Variants in PRKCE observed in about 807,000 individuals in gnomAD.
PRKCE encodes the protein protein kinase C epsilon type.
PRKCE carries 16 observed loss-of-function variants against 85.4 expected under a neutral mutation model. The ratio of observed to expected loss-of-function variants is 0.19; its 90% CI spans 0.13 to 0.28. The LOEUF (loss-of-function observed/expected upper bound fraction) is 0.28, where lower values mean the gene tolerates loss of function less well. Among genes scored for constraint, PRKCE ranks in the 10% least tolerant of loss-of-function variants. The probability of loss-of-function intolerance (pLI) is 1.00; values close to 1 mark genes in which losing one functional copy is unlikely to be tolerated. For synonymous variants in PRKCE, 388 were observed against 371.5 expected, an observed-to-expected ratio of 1.04 and a Z score of -0.51; for missense variants, 573 against 975.2, an observed-to-expected ratio of 0.59 and a Z score of 5.49.
intron 1 of PRKCE, among the ~76,000 whole-genome samples, chr2:45,749,444 G>C (rs910062006): frequency 6.6e-6 from 1 of 152,192 alleles, no homozygotes; most frequent in Non-Finnish European, 1.5e-5. Flanking sequence ...GCTCATGGGT[G>C]CAGTTCTGCT....
intron 1 of PRKCE, among the ~76,000 whole-genome samples, chr2:45,771,092 G>T (rs1429614973): frequency 6.6e-6 from 1 of 152,138 alleles, no homozygotes; most frequent in Non-Finnish European, 1.5e-5. Context: ...GGGTCCCCCA[G>T]TGTTTAGAGG....
intron 1 of PRKCE, among the ~76,000 whole-genome samples, chr2:45,798,217 A>G (rs1292918210): frequency 6.6e-6 from 1 of 152,240 alleles, no homozygotes; most frequent in Non-Finnish European, 1.5e-5. Flanking sequence ...TAAAAGGCAG[A>G]TGGGAAAAAT....
intron 2 of PRKCE, among the ~76,000 whole-genome samples, chr2:45,947,409 A>C (rs1443337980): frequency 6.6e-6 from 1 of 152,190 alleles, no homozygotes; most frequent in African/African-American, 2.4e-5. Flanking sequence ...GACTGTAGGG[A>C]TGATTACATG....
intron 6 of PRKCE, among the ~76,000 whole-genome samples, chr2:46,000,018 C>T (rs1002893005): frequency 1.3e-5 from 2 of 152,178 alleles, no homozygotes; most frequent in African/African-American, 4.8e-5. Flanking sequence ...GTACATTATC[C>T]ATTAGAACCC....
intron 1 of PRKCE, among the ~76,000 whole-genome samples, chr2:45,783,451 A>G (rs1235169236): frequency 2.6e-5 from 4 of 152,160 alleles, no homozygotes; most frequent in African/African-American, 9.7e-5. Flanking sequence ...GTAATGTCAT[A>G]AGGGAAATAG....
rs554786196 is a variant in PRKCE, at chr2:45,665,663, C to T, written c.348+13215C>T. Among the ~76,000 whole-genome samples, 6 of 152,306 alleles carry T rather than the reference C, an allele frequency of 3.9e-5. No individual in the cohort carries two copies. In the South Asian group the frequency reaches 1.2e-3, roughly 32 times the overall value. ...GAGTTGCCAGAGGAAATACAGGATGCTCAGTTAAATTTGAATTGCAGGTAA... is the reference window on the plus strand; with the variant it reads ...GAGTTGCCAGAGGAAATACAGGATGTTCAGTTAAATTTGAATTGCAGGTAA... On this transcript the variant is annotated intron_variant, in intron 1 of 14. Coordinates refer to ENST00000306156, the MANE Select transcript of PRKCE (RefSeq NM_005400.3).
At chr2:46,012,687 G>A (rs1033429896) in intron 10 of PRKCE, among the ~76,000 whole-genome samples, 6 of 152,208 alleles carry the variant, frequency 3.9e-5, no homozygotes, top group African/African-American at 1.4e-4. Flanking sequence ...GCCCCTGTAC[G>A]TGGTGGATCA....
At chr2:45,727,472 A>T (rs1375076739) in intron 1 of PRKCE, among the ~76,000 whole-genome samples, 1 of 152,028 alleles carries the variant, frequency 6.6e-6, no homozygotes, top group Admixed American at 6.6e-5. Context: ...GGATAAGAGG[A>T]TTTGGACTAG....
At chr2:45,967,828 T>G (rs546728677) in intron 2 of PRKCE, among the ~76,000 whole-genome samples, 1 of 152,270 alleles carries the variant, frequency 6.6e-6, no homozygotes, top group Admixed American at 6.5e-5. Flanking sequence ...TCAGAGATAT[T>G]AAATGACTTG....
intron 2 of PRKCE, among the ~76,000 whole-genome samples, chr2:45,918,224 C>G (rs1336200960): frequency 3.9e-5 from 6 of 152,216 alleles, no homozygotes; most frequent in East Asian, 3.9e-4. Flanking sequence ...ACTGCCAGCA[C>G]GCTGTCACCT....
chr2:46,168,388 CAG>C (rs1349923946), intron 14 of PRKCE, among the ~76,000 whole-genome samples: 1 of 152,182 alleles, frequency 6.6e-6, no homozygotes, highest in African/African-American at 2.4e-5. Flanking sequence ...CAGGAGGAAT[CAG>C]GGAATGTTTC....
chr2:45,767,592 A>G (rs1375199007), intron 1 of PRKCE, among the ~76,000 whole-genome samples: 4 of 152,246 alleles, frequency 2.6e-5, no homozygotes, highest in African/African-American at 2.4e-5. Context: ...GTAATCTAGC[A>G]CACTCAATCT....
At chr2:46,174,243 G>A (rs1003609277) in intron 14 of PRKCE, among the ~76,000 whole-genome samples, 5 of 152,180 alleles carry the variant, frequency 3.3e-5, no homozygotes, top group South Asian at 2.1e-4. Context: ...GACCCTTTCC[G>A]TTGGGCTGGG....
chr2:45,727,716 G>A (rs563525994), intron 1 of PRKCE, among the ~76,000 whole-genome samples: 1 of 152,154 alleles, frequency 6.6e-6, no homozygotes, highest in Non-Finnish European at 1.5e-5. Flanking sequence ...GTGCAGTGGT[G>A]CGATCTCGGC....
At chr2:45,876,719 T>G (rs1694513809) in intron 2 of PRKCE, among the ~76,000 whole-genome samples, 1 of 152,254 alleles carries the variant, frequency 6.6e-6, no homozygotes, top group African/African-American at 2.4e-5. Flanking sequence ...TTGGCCAGAT[T>G]GACAGCTTCT....
chr2:45,725,702 G>A (rs983410635), intron 1 of PRKCE, among the ~76,000 whole-genome samples: 33 of 152,132 alleles, frequency 2.2e-4, no homozygotes, highest in Admixed American at 5.9e-4. Context: ...GTGGTGGCAC[G>A]CACCTGTAGT....
intron 1 of PRKCE, among the ~76,000 whole-genome samples, chr2:45,726,147 T>C (rs1386718912): frequency 6.6e-6 from 1 of 152,186 alleles, no homozygotes; most frequent in Non-Finnish European, 1.5e-5. Flanking sequence ...CTATTCCTGG[T>C]GAAGATTCTG....
intron 10 of PRKCE, among the ~76,000 whole-genome samples, chr2:46,074,917 C>T (rs1264696587): frequency 1.3e-5 from 2 of 152,152 alleles, no homozygotes; most frequent in African/African-American, 2.4e-5. Context: ...TACACCAGAT[C>T]GTGGGGAATC....
intron 10 of PRKCE, among the ~76,000 whole-genome samples, chr2:46,044,957 T>C (rs947238698): frequency 1.3e-5 from 2 of 152,248 alleles, no homozygotes; most frequent in African/African-American, 4.8e-5. Context: ...TACTTCGTTA[T>C]GTATAGTATA....
Sources: allele counts gnomAD v4.1 joint callset (sites outside exome capture counted in the v4.1 genomes callset), GRCh38; gene constraint gnomAD v4.1.1; transcripts MANE v1.5; gene names NCBI Gene and HGNC (gene_info 2026-07-23, HGNC 2026-07-21).